Variants in COL4A5 observed in about 807,000 individuals in gnomAD.
COL4A5 encodes the protein collagen type IV alpha 5 chain, also known as collagen alpha-5(IV) chain.
A neutral mutation model predicts 130.2 loss-of-function variants in COL4A5; 26 were observed. That is an observed-to-expected ratio of 0.20 (90% CI 0.15 to 0.28). The LOEUF (loss-of-function observed/expected upper bound fraction) is 0.28, where lower values mean the gene tolerates loss of function less well. Ranked by LOEUF, COL4A5 falls within the 10% of genes least tolerant of loss-of-function variation. The pLI, the probability that COL4A5 is intolerant of heterozygous loss-of-function variation, is 1.00. For missense variants in COL4A5, 1,131 were observed against 1,344.3 expected (o/e 0.84, Z 2.48); for synonymous variants, 496 against 439.6 (o/e 1.13, Z -1.60).
intron 33 of COL4A5, 91 bp from the exon 34 acceptor site, chrX:108,624,145 T>C (rs1804108349): frequency 6.0e-6 from 4 of 667,893 alleles, no homozygotes; most frequent in Admixed American, 5.2e-5. Context: ...AATTCACTTA[T>C]AGTTTAACAC....
At chrX:108,687,875 A>G (rs1275263774) in intron 49 of COL4A5, among the ~76,000 whole-genome samples, 181 bp downstream of exon 49, 2 of 112,177 alleles carry the variant, frequency 1.8e-5, no homozygotes, top group Admixed American at 1.9e-4. Context: ...ATAATATTTA[A>G]CCTTAAACTA....
Position 108,440,148 on chromosome X carries a change from T to C in COL4A5, c.23T>C (p.Leu8Pro). ...AGAATGAAACTGCGTGGAGTCAGCC[T>C]GGCTGCCGGCTTGTTCTTACTGGCC... is the stretch of plus-strand genomic sequence containing the variant. MKLRGVS[L>P]AAGLFLLALS... Residue 8 changes from leucine (L) to proline (P), a missense_variant, in exon 1 of 53, where the codon CTG (leucine) becomes CCG (proline). Transcript: ENST00000328300. 1.7e-6 allele frequency: 2 copies of C among 1,209,195 alleles called. No homozygotes were observed. The highest frequency in any genetic ancestry group is 1.7e-5 in the African/African-American group (1 of 57,273).
intron 1 of COL4A5, among the ~76,000 whole-genome samples, chrX:108,500,153 A>T: frequency 8.9e-6 from 1 of 112,247 alleles, no homozygotes; most frequent in Non-Finnish European, 1.9e-5. Context: ...TAAAAAATGG[A>T]TAATTTCTTA....
At position 108,598,683 on chromosome X, in the gene COL4A5, T is replaced by G; in HGVS notation, c.1780-19T>G. The G allele has an allele frequency of 8.3e-7, 1 of 1,202,620 alleles. No individual in the cohort carries two copies. Among genetic ancestry groups the G allele is most frequent in the Non-Finnish European group, 1.1e-6 (1 of 887,800 alleles). ...TTGTTGTATCTATATGTTTCTGTAT[T>G]AAACTTTTCCCTTTTTAGGGTGGAA... On this transcript the variant is annotated intron_variant, in intron 24 of 52. Transcript: ENST00000328300.
intron 19 of COL4A5, among the ~76,000 whole-genome samples, 192 bp from the exon 20 acceptor site, chrX:108,590,866 T>A (rs1163773779): frequency 8.9e-6 from 1 of 112,247 alleles, no homozygotes; most frequent in Non-Finnish European, 1.9e-5. Context: ...TATTATTTCC[T>A]ACCCTCAAAC....
intron 1 of COL4A5, among the ~76,000 whole-genome samples, chrX:108,513,261 G>T (rs1458709566): frequency 9.1e-6 from 1 of 110,257 alleles, no homozygotes; most frequent in Non-Finnish European, 1.9e-5. Context: ...TCGTGCCACC[G>T]CACTCCAGCC....
intron 9 of COL4A5, among the ~76,000 whole-genome samples, chrX:108,574,271 G>T (rs974365851): frequency 9.0e-6 from 1 of 111,084 alleles, no homozygotes; most frequent in African/African-American, 3.3e-5. Context: ...ACAAGATTGG[G>T]GACTTTTTTC....
At chrX:108,476,973 C>T (rs1044015065) in intron 1 of COL4A5, among the ~76,000 whole-genome samples, 6 of 111,251 alleles carry the variant, frequency 5.4e-5, no homozygotes, top group East Asian at 2.8e-4. Context: ...AGGGACAGAA[C>T]GAATAGGACA....
chrX:108,514,198 A>G (rs1423699814), intron 1 of COL4A5, among the ~76,000 whole-genome samples: 1 of 112,230 alleles, frequency 8.9e-6, no homozygotes, highest in Non-Finnish European at 1.9e-5. Context: ...AGAAGATCTA[A>G]TAAAGAAAAG....
At position 108,591,594 on chromosome X, in the gene COL4A5, C is replaced by T. The variant is rs1200428516; in HGVS notation, c.1373C>T (p.Pro458Leu). 1 of 1,209,376 alleles carries T rather than the reference C, an allele frequency of 8.3e-7. No homozygotes were observed. The highest frequency in any genetic ancestry group is 2.2e-5 in the Admixed American group (1 of 45,974). ...ATATGTGAACCAGGCCCTCCAGGCCCCCCAGGATCTCCAGGTGATAAAGGA... is the reference window on the plus strand; with the variant it reads ...ATATGTGAACCAGGCCCTCCAGGCCTCCCAGGATCTCCAGGTGATAAAGGA... The part of the protein sequence containing the change: ...DEICEPGPPG[P>L]PGSPGDKGLQ... Residue 458 changes from proline (P) to leucine (L), a missense_variant, in exon 21 of 53, where the codon CCC becomes CTC. Physicochemically the swap from Pro to Leu is moderately conservative, Grantham distance 98. Coordinates refer to ENST00000328300, the MANE Select transcript of COL4A5 (RefSeq NM_033380.3).
chrX:108,526,660 CTT>C (rs2065324712), intron 1 of COL4A5, among the ~76,000 whole-genome samples: 1 of 38,757 alleles, frequency 2.6e-5, no homozygotes, highest in Non-Finnish European at 4.2e-5. Flanking sequence ...TTCTTTCTTT[CTT>C]CTTTCTTTCT....
chrX:108,637,016 C>T (rs1199432227), intron 36 of COL4A5, among the ~76,000 whole-genome samples: 1 of 99,675 alleles, frequency 1.0e-5, no homozygotes, highest in Non-Finnish European at 2.0e-5. Flanking sequence ...GATTGTGGCT[C>T]ACTGCAACCT....
At chrX:108,542,175 T>G (rs931428554) in intron 2 of COL4A5, among the ~76,000 whole-genome samples, 23 of 111,688 alleles carry the variant, frequency 2.1e-4, no homozygotes, top group African/African-American at 7.2e-4. Context: ...TTGTTACATA[T>G]GTATACATGT....
chrX:108,475,680 A>C (rs1305095501), intron 1 of COL4A5, among the ~76,000 whole-genome samples: 1 of 110,929 alleles, frequency 9.0e-6, no homozygotes, highest in Non-Finnish European at 1.9e-5. Context: ...TTTTTTAATG[A>C]GTAGAAGCTC....
chrX:108,668,237 C>T, intron 40 of COL4A5, 82 bp from the exon 41 acceptor site: 2 of 932,265 alleles, frequency 2.1e-6, no homozygotes, highest in South Asian at 4.0e-5. Flanking sequence ...ATTAATTGCC[C>T]TAATGTATGT....
rs2066435735 is a variant in COL4A5, at chrX:108,591,603, C to A, written c.1382C>A (p.Ser461Tyr). ...CEPGPPGPPG[S>Y]PGDKGLQGEQ... is the part of the protein sequence containing the mutation. Reference sequence around the variant, plus strand: ...CCAGGCCCTCCAGGCCCCCCAGGATCTCCAGGTGATAAAGGACTCCAAGGA... The same window carrying A: ...CCAGGCCCTCCAGGCCCCCCAGGATATCCAGGTGATAAAGGACTCCAAGGA... Residue 461 changes from serine to tyrosine, a missense_variant, in exon 21 of 53, where the codon TCT (serine) becomes TAT (tyrosine). Coordinates refer to ENST00000328300, the MANE Select transcript of COL4A5 (RefSeq NM_033380.3). 8.3e-7 allele frequency: 1 copy of A among 1,207,092 alleles called. No homozygotes were observed. Among genetic ancestry groups the A allele is most frequent in the Non-Finnish European group, 1.1e-6 (1 of 892,811 alleles).
At chrX:108,646,898 C>T (rs376746987) in intron 36 of COL4A5, among the ~76,000 whole-genome samples, 9,524 of 107,517 alleles carry the variant, frequency 0.089, 1,205 homozygotes, top group African/African-American at 0.3. Context: ...TGTAGATATG[C>T]GGCATTATTT....
chrX:108,613,661 G>A (rs1046099345), intron 29 of COL4A5, among the ~76,000 whole-genome samples: 2 of 111,618 alleles, frequency 1.8e-5, no homozygotes, highest in Non-Finnish European at 3.8e-5. Flanking sequence ...ACACCCAAAT[G>A]TCTAATAAGC....
chrX:108,556,413 A>G (rs2065823064), intron 2 of COL4A5, among the ~76,000 whole-genome samples: 1 of 111,286 alleles, frequency 9.0e-6, no homozygotes, highest in South Asian at 3.8e-4. Flanking sequence ...TTTAGTAAAA[A>G]GAGTTGATAT....
Sources: gnomAD v4.1 joint callset for allele counts (sites outside exome capture counted in the v4.1 genomes callset) on GRCh38, gnomAD v4.1.1 for gene constraint, MANE v1.5 for transcripts, NCBI Gene and HGNC (gene_info 2026-07-23, HGNC 2026-07-21) for gene names.